TMEM132B: variants seen among roughly 807,000 people sequenced by gnomAD.
The protein encoded by TMEM132B is transmembrane protein 132B.
TMEM132B carries 18 observed loss-of-function variants against 90.8 expected under a neutral mutation model. That is an observed-to-expected ratio of 0.20 (90% confidence interval 0.14 to 0.29). The LOEUF (loss-of-function observed/expected upper bound fraction) is 0.29. Among genes scored for constraint, TMEM132B ranks in the 10% least tolerant of loss-of-function variants. The probability of loss-of-function intolerance (pLI) is 1.00; values close to 1 mark genes in which losing one functional copy is unlikely to be tolerated. For synonymous variants in TMEM132B, 504 were observed against 523.3 expected, an observed-to-expected ratio of 0.96 and a Z score of 0.50; for missense variants, 1,096 against 1,326.8, an observed-to-expected ratio of 0.83 and a Z score of 2.70.
chr12:125,459,842 C>T lies in TMEM132B; in HGVS notation c.1106+44165C>T, dbSNP rs1356794119. Reference sequence around the variant, plus strand: ...AATTGAATCATGGGAGCAGTTTCCCCCATACTGTTTTCACGGTAGTGGATA... The same window carrying T: ...AATTGAATCATGGGAGCAGTTTCCCTCATACTGTTTTCACGGTAGTGGATA... On this transcript the variant is annotated intron_variant, in intron 3 of 8. Transcript: ENST00000682704. The surrounding 1 kb of genome is among the most constrained non-coding windows in gnomAD (Gnocchi z 4.1). Among the ~76,000 whole-genome samples the T allele has an allele frequency of 6.6e-6, 1 of 152,092 alleles. No homozygotes were observed. Among genetic ancestry groups the T allele is most frequent in the African/African-American group, 2.4e-5 (1 of 41,410 alleles).
At chr12:125,582,887 G>A (rs1885087185) in intron 4 of TMEM132B, among the ~76,000 whole-genome samples, 2 of 152,164 alleles carry the variant, frequency 1.3e-5, no homozygotes, top group Non-Finnish European at 2.9e-5. Context: ...TTGATGGGAT[G>A]TAAATGGGCT....
intron 1 of TMEM132B, among the ~76,000 whole-genome samples, chr12:125,289,926 C>G (rs1277897294): frequency 1.3e-5 from 2 of 152,198 alleles, no homozygotes; most frequent in African/African-American, 4.8e-5. Flanking sequence ...GACAATTTAT[C>G]CCCTAGTCAT....
At chr12:125,393,929 C>T (rs955966294) in intron 2 of TMEM132B, among the ~76,000 whole-genome samples, 1 of 152,176 alleles carries the variant, frequency 6.6e-6, no homozygotes, top group Non-Finnish European at 1.5e-5. Flanking sequence ...TTGAACCCAA[C>T]TGGAAGCCAG....
chr12:125,605,242 A>G (rs1351387072), intron 5 of TMEM132B, among the ~76,000 whole-genome samples: 3 of 152,140 alleles, frequency 2.0e-5, no homozygotes, highest in African/African-American at 2.4e-5. Flanking sequence ...GCTTCCTCTC[A>G]TCTCTGCTCA....
intron 2 of TMEM132B, among the ~76,000 whole-genome samples, chr12:125,351,564 C>A (rs993449726): frequency 4.6e-5 from 7 of 152,056 alleles, no homozygotes; most frequent in Admixed American, 3.9e-4. Context: ...GAACCATAAA[C>A]TATATATAAA....
At chr12:125,328,018 C>T (rs560936973) in intron 1 of TMEM132B, among the ~76,000 whole-genome samples, 3 of 152,344 alleles carry the variant, frequency 2.0e-5, no homozygotes, top group South Asian at 2.1e-4. Flanking sequence ...GTCTTTGGCC[C>T]GTTTGTAAAA....
Position 125,648,866 on chromosome 12 carries a change from A to G in TMEM132B, c.1644-1817A>G, listed in dbSNP as rs577815463. On this transcript the variant is annotated intron_variant, in intron 6 of 8. Coordinates refer to ENST00000682704, the MANE Select transcript of TMEM132B (RefSeq NM_001366854.1). ...AAAATTATTGCAAAGAAAATTAAAC[A>G]ATGTTGTTAAATTCTGAGTAGACAC... 1.1e-4 allele frequency among the ~76,000 whole-genome samples: 17 copies of G among 152,304 alleles called. No individual in the cohort carries two copies. The East Asian group carries it at 3.3e-3, about 29-fold the overall frequency.
chr12:125,207,940 TTTTCA>T lies in TMEM132B; in HGVS notation c.67+21085_67+21089del, dbSNP rs573327358. On this transcript the variant is annotated intron_variant, in intron 1 of 8. Transcript: ENST00000682704. ...ATAACATCCCACTAGGGAACTGAAT[TTTTCA>T]TTTCATTTCAATTTAATTAATATAT... is the stretch of plus-strand genomic sequence containing the variant. Among the ~76,000 whole-genome samples the T allele has an allele frequency of 2.0e-5, 3 of 152,374 alleles. No individual in the cohort carries two copies. The East Asian group carries it at 5.8e-4, about 29-fold the overall frequency.
chr12:125,317,545 T>C (rs1220925853), intron 1 of TMEM132B, among the ~76,000 whole-genome samples: 1 of 151,950 alleles, frequency 6.6e-6, no homozygotes, highest in African/African-American at 2.4e-5. Flanking sequence ...GGGTCCTGGC[T>C]TGAGTGAAGG....
At chr12:125,389,707 C>T (rs1328112796) in intron 2 of TMEM132B, among the ~76,000 whole-genome samples, 1 of 152,152 alleles carries the variant, frequency 6.6e-6, no homozygotes, top group Non-Finnish European at 1.5e-5. Context: ...CAGTTCCATG[C>T]AGCAGCTATA....
chr12:125,473,681 TA>T (rs1258702169), intron 3 of TMEM132B, among the ~76,000 whole-genome samples: 3 of 152,226 alleles, frequency 2.0e-5, no homozygotes, highest in Non-Finnish European at 4.4e-5. Context: ...ATTCCACAAG[TA>T]ATCTGGGAGG....
intron 1 of TMEM132B, among the ~76,000 whole-genome samples, chr12:125,265,685 C>T (rs1874676392): frequency 6.6e-6 from 1 of 151,372 alleles, no homozygotes; most frequent in South Asian, 2.1e-4. Flanking sequence ...CCCCAGGTGA[C>T]CACCATCCTT....
At chr12:125,520,780 C>T (rs1883287994) in intron 4 of TMEM132B, among the ~76,000 whole-genome samples, 1 of 152,180 alleles carries the variant, frequency 6.6e-6, no homozygotes, top group Non-Finnish European at 1.5e-5. Flanking sequence ...GTAGGGTTAT[C>T]CTGGTCAGTT....
At chr12:125,432,072 C>T (rs1880525290) in intron 3 of TMEM132B, among the ~76,000 whole-genome samples, 1 of 151,982 alleles carries the variant, frequency 6.6e-6, no homozygotes, top group Admixed American at 6.6e-5. Context: ...TGCTCTGCTG[C>T]CACGCTGCCG....
In TMEM132B at chr12:125,650,762, G is replaced by A. The variant is rs774197584; in HGVS notation, c.1723G>A (p.Val575Met). The stretch of plus-strand genomic sequence containing the variant: ...CTCCCTGCAGTACCAGCACGCCACA[G>A]TGCGTGTCCTCACCCAGTTTGTGGC... ...GCSLQYQHAT[V>M]RVLTQFVAES... Residue 575 changes from valine (V) to methionine (M), a missense_variant, in exon 7 of 9, where the codon GTG becomes ATG. Physicochemically the swap from Val to Met is conservative, Grantham distance 21. Coordinates refer to ENST00000682704, the MANE Select transcript of TMEM132B (RefSeq NM_001366854.1). 3.7e-6 allele frequency: 6 copies of A among 1,614,244 alleles called. No individual in the cohort carries two copies. The highest frequency in any genetic ancestry group is 2.2e-5 in the South Asian group (2 of 91,084).
chr12:125,486,732 T>C (rs1882215553), intron 3 of TMEM132B, among the ~76,000 whole-genome samples: 1 of 152,236 alleles, frequency 6.6e-6, no homozygotes, highest in South Asian at 2.1e-4. Context: ...TAAAATCCTA[T>C]TTCCCAGTGT....
At chr12:125,208,647 G>A (rs565079775) in intron 1 of TMEM132B, among the ~76,000 whole-genome samples, 22 of 152,306 alleles carry the variant, frequency 1.4e-4, no homozygotes, top group African/African-American at 4.6e-4. Flanking sequence ...TAGTGGAATC[G>A]TCTTCCACTG....
chr12:125,661,512 A>G lies in TMEM132B; in HGVS notation c.*6802A>G, dbSNP rs890790994. The G allele has an allele frequency of 1.3e-5, 2 of 152,210 alleles. No homozygotes were observed. The highest frequency in any genetic ancestry group is 2.9e-5 in the Non-Finnish European group (2 of 68,040). 9.4% of individuals were successfully genotyped at this position (152,210 alleles called of 1,614,324 possible). A position where few individuals can be genotyped will look rare whatever the true frequency, so the allele number is the denominator to read the frequency against. ...AATTACCCCAGAGCCACCAGTTCAC[A>G]TGCCCAAAGATGAACTGGCCCATGG... On this transcript the variant is annotated 3_prime_UTR_variant, in exon 9 of 9. Coordinates refer to ENST00000682704, the MANE Select transcript of TMEM132B (RefSeq NM_001366854.1).
chr12:125,412,633 G>A (rs528235744), intron 2 of TMEM132B, among the ~76,000 whole-genome samples: 1 of 152,128 alleles, frequency 6.6e-6, no homozygotes, highest in Non-Finnish European at 1.5e-5. Context: ...CTGGCCACAC[G>A]GCTGCTTGGT....
Sources: gnomAD v4.1 joint callset for allele counts (sites outside exome capture counted in the v4.1 genomes callset) on GRCh38, gnomAD v4.1.1 for gene constraint, Gnocchi (gnomAD v3.1) non-coding constraint, MANE v1.5 for transcripts, NCBI Gene and HGNC (gene_info 2026-07-23, HGNC 2026-07-21) for gene names.